Variants in CDKN2B-AS1 observed in about 807,000 individuals in gnomAD.
CDKN2B-AS1 encodes the protein CDKN2B and CDKN2A antisense cis and trans regulatory RNA 1.
At chr9:22,037,969 G>A (rs1822755090) in intron 1 of CDKN2B-AS1, among the ~76,000 whole-genome samples, 1 of 151,966 alleles carries the variant, frequency 6.6e-6, no homozygotes, top group East Asian at 1.9e-4. Context: ...CTAAGAGTAG[G>A]CAATGAAAAT....
chr9:22,035,481 C>T (rs1049645180), intron 1 of CDKN2B-AS1, among the ~76,000 whole-genome samples: 3 of 152,094 alleles, frequency 2.0e-5, no homozygotes, highest in Non-Finnish European at 4.4e-5. Context: ...CTCACCTATA[C>T]CCATGGCAGT....
chr9:22,012,157 G>T (rs1821535933), intron 1 of CDKN2B-AS1: 1 of 1,295,826 alleles, frequency 7.7e-7, no homozygotes, highest in Non-Finnish European at 1.1e-6. Context: ...ACACAGAGAT[G>T]CAGATCTTTG....
At chr9:22,056,438 T>G (rs1332431008) in intron 4 of CDKN2B-AS1, 2 of 151,836 alleles carry the variant, frequency 1.3e-5, no homozygotes, top group Admixed American at 6.6e-5. Context: ...AGCACAGTGG[T>G]GAGAAATTGG....
intron 4 of CDKN2B-AS1, among the ~76,000 whole-genome samples, chr9:22,060,529 A>C (rs1335940580): frequency 6.6e-6 from 1 of 152,188 alleles, no homozygotes; most frequent in Admixed American, 6.5e-5. Flanking sequence ...AAGCATTCCC[A>C]CATTTTCCTT....
At chr9:22,058,744 G>C (rs1397249109) in intron 4 of CDKN2B-AS1, 1 of 156,284 alleles carries the variant, frequency 6.4e-6, no homozygotes, top group African/African-American at 2.4e-5. Context: ...GTCACTATAT[G>C]TATTAATCTG....
At chr9:21,998,773 T>G (rs898561133) in intron 1 of CDKN2B-AS1, among the ~76,000 whole-genome samples, 2 of 152,204 alleles carry the variant, frequency 1.3e-5, no homozygotes, top group Non-Finnish European at 2.9e-5. Flanking sequence ...GACACTAGCT[T>G]TATCCCTTAG....
At chr9:22,099,938 C>T (rs906028931) in intron 4 of CDKN2B-AS1, among the ~76,000 whole-genome samples, 2 of 151,796 alleles carry the variant, frequency 1.3e-5, no homozygotes, top group African/African-American at 4.8e-5. Flanking sequence ...GGGAGAACAG[C>T]GGTAGGAAAA....
chr9:22,030,267 G>C (rs1000685485), intron 1 of CDKN2B-AS1: 1 of 152,170 alleles, frequency 6.6e-6, no homozygotes, highest in African/African-American at 2.4e-5. Flanking sequence ...TGGCGTGGAG[G>C]TTATACAGGG....
intron 4 of CDKN2B-AS1, among the ~76,000 whole-genome samples, chr9:22,099,898 G>A (rs1442585642): frequency 1.3e-5 from 2 of 152,132 alleles, no homozygotes. Flanking sequence ...TAACACCCGT[G>A]GCTTTTAGTG....
intron 4 of CDKN2B-AS1, chr9:22,112,306 C>T (rs1394069047): frequency 6.6e-6 from 1 of 152,294 alleles, no homozygotes; most frequent in South Asian, 2.1e-4. Flanking sequence ...TGACTTTCTT[C>T]TCTTTCACTG....
At chr9:22,101,155 G>A (rs189823394) in intron 4 of CDKN2B-AS1, among the ~76,000 whole-genome samples, 2 of 152,158 alleles carry the variant, frequency 1.3e-5, no homozygotes, top group African/African-American at 2.4e-5. Flanking sequence ...AACAGACTGC[G>A]CTTCTTATTT....
At chr9:22,061,238 C>T (rs571031495) in intron 4 of CDKN2B-AS1, among the ~76,000 whole-genome samples, 1 of 152,250 alleles carries the variant, frequency 6.6e-6, no homozygotes, top group Admixed American at 6.5e-5. Context: ...CTTCCCCAGG[C>T]CTCCCATTTC....
rs1022401420 is a variant in CDKN2B-AS1, at chr9:21,997,875, T to C, written n.29+2714T>C. On this transcript the variant is annotated intron_variant and non_coding_transcript_variant, in intron 1 of 4. Coordinates refer to ENST00000650946, the Ensembl canonical transcript of CDKN2B-AS1. The surrounding 1 kb of genome is among the most constrained non-coding windows in gnomAD (Gnocchi z 4.8). Reference sequence around the variant, plus strand: ...CATTATCCCGTCATGCCTGAGGGGTTCTCTGACCCTCAGTTTTCTGAGGAT... The same window carrying C: ...CATTATCCCGTCATGCCTGAGGGGTCCTCTGACCCTCAGTTTTCTGAGGAT... 6.6e-6 allele frequency among the ~76,000 whole-genome samples: 1 copy of C among 152,154 alleles called. No homozygotes were observed. The highest frequency in any genetic ancestry group is 2.4e-5 in the African/African-American group (1 of 41,420).
At chr9:22,011,221 G>A (rs955849524) in intron 1 of CDKN2B-AS1, among the ~76,000 whole-genome samples, 1 of 152,118 alleles carries the variant, frequency 6.6e-6, no homozygotes, top group Non-Finnish European at 1.5e-5. Flanking sequence ...CAAATAGAAA[G>A]GACATTATGG....
At chr9:22,099,937 G>A (rs1825426569) in intron 4 of CDKN2B-AS1, among the ~76,000 whole-genome samples, 1 of 152,076 alleles carries the variant, frequency 6.6e-6, no homozygotes, top group South Asian at 2.1e-4. Flanking sequence ...AGGGAGAACA[G>A]CGGTAGGAAA....
chr9:22,093,061 C>T (rs1825150324), intron 4 of CDKN2B-AS1, among the ~76,000 whole-genome samples: 1 of 152,026 alleles, frequency 6.6e-6, no homozygotes, highest in African/African-American at 2.4e-5. Context: ...ATCTTTATTT[C>T]TGCCTTCATT....
chr9:22,084,892 T>C (rs973206894), intron 4 of CDKN2B-AS1, among the ~76,000 whole-genome samples: 1 of 152,062 alleles, frequency 6.6e-6, no homozygotes, highest in African/African-American at 2.4e-5. Context: ...ACAGCTGAAA[T>C]TGTGGAATCA....
At chr9:22,034,177 A>G (rs1469051267) in intron 1 of CDKN2B-AS1, among the ~76,000 whole-genome samples, 3 of 152,182 alleles carry the variant, frequency 2.0e-5, no homozygotes, top group African/African-American at 7.2e-5. Context: ...CTGGTTCTCA[A>G]TTGGTTATTA....
chr9:22,074,278 A>T (rs1258228008), intron 4 of CDKN2B-AS1, among the ~76,000 whole-genome samples: 1 of 152,152 alleles, frequency 6.6e-6, no homozygotes, highest in African/African-American at 2.4e-5. Context: ...TGTTTTGGTA[A>T]AACTAGTAGT....
Sources: allele counts gnomAD v4.1 joint callset (sites outside exome capture counted in the v4.1 genomes callset), GRCh38; gene constraint gnomAD v4.1.1; non-coding constraint Gnocchi (gnomAD v3.1); transcripts MANE v1.5; gene names NCBI Gene and HGNC (gene_info 2026-07-23, HGNC 2026-07-21).